CBFA2T3: variants seen among roughly 807,000 people sequenced by gnomAD.
The protein encoded by CBFA2T3 is CBFA2/RUNX1 partner transcriptional co-repressor 3.
In CBFA2T3, 31 loss-of-function variants were observed where a neutral mutation model predicts 58.6. That is an observed-to-expected ratio of 0.53 (90% CI 0.40 to 0.71). The LOEUF (loss-of-function observed/expected upper bound fraction) is 0.71. Among genes scored for constraint, CBFA2T3 ranks in the 30% least tolerant of loss-of-function variants. The probability of loss-of-function intolerance (pLI) is 0.00; values close to 1 mark genes in which losing one functional copy is unlikely to be tolerated. For missense variants in CBFA2T3, 1,076 were observed against 963.1 expected (o/e 1.12, Z -1.55); for synonymous variants, 531 against 421.9 (o/e 1.26, Z -3.17).
chr16:88,878,252 C>A (rs1968918147), intron 11 of CBFA2T3, among the ~76,000 whole-genome samples: 1 of 152,246 alleles, frequency 6.6e-6, no homozygotes, highest in African/African-American at 2.4e-5. Flanking sequence ...AGTGCCAGCT[C>A]TGTGAGAGTT....
intron 1 of CBFA2T3, among the ~76,000 whole-genome samples, chr16:88,942,293 G>A (rs142776786): frequency 1.3e-5 from 2 of 152,208 alleles, no homozygotes; most frequent in East Asian, 3.9e-4. Context: ...CTGCCCCAAC[G>A]CACACGTGCT....
intron 1 of CBFA2T3, among the ~76,000 whole-genome samples, chr16:88,924,750 C>T (rs1311406106): frequency 6.6e-6 from 1 of 152,182 alleles, no homozygotes; most frequent in African/African-American, 2.4e-5. Flanking sequence ...CCGGACGCGG[C>T]GGGGACAGCC....
At chr16:88,902,719 C>T (rs1366727031) in intron 1 of CBFA2T3, among the ~76,000 whole-genome samples, 1 of 152,228 alleles carries the variant, frequency 6.6e-6, no homozygotes, top group Admixed American at 6.5e-5. Context: ...TCAGCCAGTG[C>T]CAAAGCAAGG....
At chr16:88,897,287 C>G (rs777447214) in intron 3 of CBFA2T3, among the ~76,000 whole-genome samples, 5 of 152,260 alleles carry the variant, frequency 3.3e-5, no homozygotes, top group Non-Finnish European at 7.3e-5. Context: ...CCCTGTGCAA[C>G]AGAAACAACG....
At chr16:88,951,770 G>C (rs1972079562) in intron 1 of CBFA2T3, among the ~76,000 whole-genome samples, 2 of 152,354 alleles carry the variant, frequency 1.3e-5, no homozygotes, top group South Asian at 2.1e-4. Flanking sequence ...AAGAGAGGAA[G>C]GACCTCTTCT....
At chr16:88,917,225 G>A (rs1232862210) in intron 1 of CBFA2T3, among the ~76,000 whole-genome samples, 3 of 152,248 alleles carry the variant, frequency 2.0e-5, no homozygotes, top group African/African-American at 7.2e-5. Context: ...GGACTTAGGT[G>A]TGGAGCAGAA....
chr16:88,948,196 C>T lies in CBFA2T3; in HGVS notation c.151+28461G>A, dbSNP rs192272777. ...TGCCGCAAGCCACGTGGTGATTGGT[C>T]ATCAAAGTCATTTTTAATAACTATC... On this transcript the variant is annotated intron_variant, in intron 1 of 11. Coordinates refer to ENST00000268679, the MANE Select transcript of CBFA2T3 (RefSeq NM_005187.6). Among the ~76,000 whole-genome samples, 3 of 152,302 alleles carry T rather than the reference C, an allele frequency of 2.0e-5. No homozygotes were observed. The East Asian group carries it at 5.8e-4, about 29-fold the overall frequency.
chr16:88,884,895 G>C lies in CBFA2T3; in HGVS notation c.1117+151C>G, dbSNP rs564982446. The C allele has an allele frequency of 1.1e-4, 70 of 619,662 alleles. No individual in the cohort carries two copies. In the East Asian group the frequency reaches 2.1e-3, roughly 19 times the overall value. The allele number at this position is 619,662 out of a possible 1,614,324, so 38.4% of individuals were successfully genotyped here. ...CCTCTGCAGCCACCGCTCTGCTCCA[G>C]GGGGAATGCCAGGCAGGGGGAAGGG... On this transcript the variant is annotated intron_variant, in intron 7 of 11. Coordinates refer to ENST00000268679, the MANE Select transcript of CBFA2T3 (RefSeq NM_005187.6).
At position 88,976,680 on chromosome 16, in the gene CBFA2T3, CG is replaced by C; in HGVS notation, c.127del (p.Arg43GlyfsTer27). Reference sequence around the variant, plus strand: ...ACCTGGGCCGCCCTTCCTGGGACCCCGGGGTGCGGAGCAGCCGGCAGATGCC... The same window carrying C: ...ACCTGGGCCGCCCTTCCTGGGACCCCGGGTGCGGAGCAGCCGGCAGATGCC... ...LLASAGCSAP[R>X]GPRKGGPAPV... On this transcript the variant is annotated frameshift_variant, in exon 1 of 12. Coordinates refer to ENST00000268679, the MANE Select transcript of CBFA2T3 (RefSeq NM_005187.6). LOFTEE classifies it high-confidence loss of function. 6.4e-7 allele frequency: 1 copy of C among 1,563,416 alleles called. No individual in the cohort carries two copies. The highest frequency in any genetic ancestry group is 1.2e-5 in the South Asian group (1 of 85,132).
intron 5 of CBFA2T3, 71 bp downstream of exon 5, chr16:88,891,811 G>C (rs889273680): frequency 9.3e-7 from 1 of 1,076,376 alleles, no homozygotes. Context: ...CGCTGTCCAC[G>C]CTGGCAAGGA....
intron 1 of CBFA2T3, among the ~76,000 whole-genome samples, chr16:88,967,174 C>T (rs965910758): frequency 1.2e-4 from 14 of 119,632 alleles, no homozygotes; most frequent in Non-Finnish European, 1.9e-5. Flanking sequence ...CCCCCAGCCC[C>T]CGAGGTGCCA....
chr16:88,912,584 C>T (rs1367083416), intron 1 of CBFA2T3, among the ~76,000 whole-genome samples: 1 of 152,220 alleles, frequency 6.6e-6, no homozygotes, highest in African/African-American at 2.4e-5. Flanking sequence ...TTTTCTTCTC[C>T]AGCCACTCGT....
chr16:88,904,539 C>T (rs1970229175), intron 1 of CBFA2T3, among the ~76,000 whole-genome samples: 1 of 152,242 alleles, frequency 6.6e-6, no homozygotes. Flanking sequence ...CCTCAAGGTA[C>T]TTGCAAAGAG....
rs374230206 is a variant in CBFA2T3, at chr16:88,894,959, G to T, written c.380-2474C>A. 3.3e-5 allele frequency among the ~76,000 whole-genome samples: 5 copies of T among 152,274 alleles called. No individual in the cohort carries two copies. The East Asian group carries it at 7.7e-4, about 24-fold the overall frequency. ...TCCTTCCTGTGCCCTGGATGGTGGG[G>T]GGTCTTGGTGTACCCTTCAGATCAG... On this transcript the variant is annotated intron_variant, in intron 3 of 11. Coordinates refer to ENST00000268679, the MANE Select transcript of CBFA2T3 (RefSeq NM_005187.6).
intron 1 of CBFA2T3, among the ~76,000 whole-genome samples, chr16:88,946,969 G>A (rs1357708643): frequency 6.6e-6 from 1 of 152,184 alleles, no homozygotes; most frequent in East Asian, 1.9e-4. Context: ...AGACTGCACA[G>A]AGGATTTTTA....
intron 5 of CBFA2T3, 100 bp from the exon 6 acceptor site, chr16:88,886,242 C>T: frequency 2.3e-6 from 2 of 856,090 alleles, no homozygotes; most frequent in Non-Finnish European, 3.4e-6. Flanking sequence ...GAAAGCTCAA[C>T]TTGACCTCGG....
rs1366109081 is a variant in CBFA2T3 at position 88,894,418 on chromosome 16, T to C, written c.380-1933A>G. Among the ~76,000 whole-genome samples, 6 of 104,990 alleles carry C rather than the reference T, an allele frequency of 5.7e-5. 1 individual carries two copies. Among genetic ancestry groups the C allele is most frequent in the Admixed American group, 9.4e-5 (1 of 10,680 alleles). 68.9% of individuals were successfully genotyped at this position (104,990 alleles called of 152,430 possible). A position where few individuals can be genotyped will look rare whatever the true frequency, so the allele number is the denominator to read the frequency against. ...ACACACACATGCACACACACATGCA[T>C]ACATATACACATGCACACAATGTAC... On this transcript the variant is annotated intron_variant, in intron 3 of 11. Transcript: ENST00000268679.
chr16:88,901,333 G>C (rs1210057133), intron 2 of CBFA2T3, among the ~76,000 whole-genome samples, 171 bp downstream of exon 2: 1 of 152,246 alleles, frequency 6.6e-6, no homozygotes, highest in Non-Finnish European at 1.5e-5. Flanking sequence ...GGGAAGCAGG[G>C]AAGCTGGGAT....
At chr16:88,905,667 A>G (rs1567597328) in intron 1 of CBFA2T3, among the ~76,000 whole-genome samples, 1 of 93,682 alleles carries the variant, frequency 1.1e-5, no homozygotes, top group East Asian at 3.9e-4. Context: ...GCCTGAGGGG[A>G]GGTGGGGCTG....
Sources: allele counts gnomAD v4.1 joint callset (sites outside exome capture counted in the v4.1 genomes callset), GRCh38; gene constraint gnomAD v4.1.1; transcripts MANE v1.5; gene names NCBI Gene and HGNC (gene_info 2026-07-23, HGNC 2026-07-21).